FRK: variants seen among roughly 807,000 people sequenced by gnomAD.
FRK encodes the protein fyn related Src family tyrosine kinase.
Under a neutral mutation model 56.4 loss-of-function variants are expected in FRK, and 51 were observed. That is an observed-to-expected ratio of 0.90 (90% confidence interval 0.72 to 1.14). The LOEUF (loss-of-function observed/expected upper bound fraction) is 1.14, where lower values mean the gene tolerates loss of function less well. Among genes scored for constraint, FRK ranks in the 50% most tolerant of loss-of-function variants. The pLI, the probability that FRK is intolerant of heterozygous loss-of-function variation, is 0.00. For missense variants in FRK, 570 were observed against 601.4 expected (o/e 0.95, Z 0.55); for synonymous variants, 245 against 217.9 (o/e 1.12, Z -1.10).
the FRK span, among the ~76,000 whole-genome samples, chr6:116,072,189 T>G: frequency 2.0e-4 from 30 of 152,158 alleles, no homozygotes; most frequent in Admixed American, 2.0e-3. Flanking sequence ...TGCACTCTAT[T>G]ATACACAAGA....
At position 116,003,951 on chromosome 6, in the gene FRK, AAT is replaced by A. The variant is rs1433681913; in HGVS notation, c.390_391del (p.Leu131IlefsTer15). 6.2e-7 allele frequency: 1 copy of A among 1,613,102 alleles called. No homozygotes were observed. The highest frequency in any genetic ancestry group is 8.5e-7 in the Non-Finnish European group (1 of 1,179,400). On this transcript the variant is annotated frameshift_variant, in exon 2 of 8. Transcript: ENST00000606080. LOFTEE classifies it high-confidence loss of function. ...GGAACCGGTCTTGTTTTCTGAATAT[AAT>A]AGTTGTTTCTCTGCATCTGATCTTC...
intron 5 of FRK, among the ~76,000 whole-genome samples, chr6:115,952,839 G>A (rs888457822): frequency 3.2e-4 from 48 of 148,062 alleles, no homozygotes; most frequent in African/African-American, 1.1e-3. Context: ...ACCAAACACC[G>A]CATGTTCTTA....
At chr6:116,082,096 G>A in the FRK span, among the ~76,000 whole-genome samples, 3 of 152,174 alleles carry the variant, frequency 2.0e-5, no homozygotes, top group African/African-American at 7.2e-5. Flanking sequence ...TAGGAAAAGA[G>A]CATTCTAGGC....
intron 1 of FRK, among the ~76,000 whole-genome samples, chr6:116,056,192 T>G (rs567047248): frequency 6.6e-6 from 1 of 151,922 alleles, no homozygotes; most frequent in Non-Finnish European, 1.5e-5. Context: ...CAAAAAATTG[T>G]TCATTTGGTT....
rs943888951 is a variant in FRK at position 115,939,353 on chromosome 6, A to T, written c.*3061T>A. ...GTAGCTCAAAAAAAATGACAGATTT[A>T]AGACAAAACCACAGCCAATATCATA... On this transcript the variant is annotated 3_prime_UTR_variant, in exon 8 of 8. Coordinates refer to ENST00000606080, the MANE Select transcript of FRK (RefSeq NM_002031.3). 2.0e-5 allele frequency: 3 copies of T among 152,176 alleles called. No homozygotes were observed. The highest frequency in any genetic ancestry group is 7.2e-5 in the African/African-American group (3 of 41,446). The allele number at this position is 152,176 out of a possible 1,614,324, so 9.4% of individuals were successfully genotyped here. A position where few individuals can be genotyped will look rare whatever the true frequency, so the allele number is the denominator to read the frequency against.
intron 1 of FRK, among the ~76,000 whole-genome samples, chr6:116,036,470 T>C (rs1776484187): frequency 6.6e-6 from 1 of 152,196 alleles, no homozygotes; most frequent in African/African-American, 2.4e-5. Context: ...AAACATGAGT[T>C]TGAAAAATAA....
intron 5 of FRK, among the ~76,000 whole-genome samples, chr6:115,956,085 G>A (rs900438028): frequency 1.8e-4 from 27 of 152,020 alleles, no homozygotes; most frequent in Admixed American, 7.9e-4. Flanking sequence ...CCATGTCCCC[G>A]AATTCTATGT....
At chr6:116,087,400 A>T in the FRK span, among the ~76,000 whole-genome samples, 5 of 152,254 alleles carry the variant, frequency 3.3e-5, no homozygotes, top group African/African-American at 9.6e-5. Context: ...TACAATATTG[A>T]TCAGCCCTGC....
the FRK span, among the ~76,000 whole-genome samples, chr6:116,070,727 A>G: frequency 6.6e-6 from 1 of 152,158 alleles, no homozygotes; most frequent in Non-Finnish European, 1.5e-5. Flanking sequence ...AGCAACAACA[A>G]ATGCACCGTT....
intron 1 of FRK, among the ~76,000 whole-genome samples, chr6:116,017,353 T>C (rs537726115): frequency 6.6e-6 from 1 of 152,342 alleles, no homozygotes; most frequent in East Asian, 1.9e-4. Context: ...GGTGGCCAAC[T>C]GTTCAAACCC....
Position 115,935,371 on chromosome 6 carries a change from G to A in FRK, c.*7043C>T, listed in dbSNP as rs2095781. ...ACCTGCAGACCAGGAGATTCCCTCCGGTGCCTACGCCACTGGGGCCCTGGG... is the reference window on the plus strand; with the variant it reads ...ACCTGCAGACCAGGAGATTCCCTCCAGTGCCTACGCCACTGGGGCCCTGGG... On this transcript the variant is annotated 3_prime_UTR_variant, in exon 8 of 8. Transcript: ENST00000606080. 6,194 of 152,704 alleles carry A rather than the reference G, an allele frequency of 0.041. 340 individuals are homozygous for A. Among genetic ancestry groups the A allele is most frequent in the Admixed American group, 0.15 (2,291 of 15,312 alleles). 9.5% of individuals were successfully genotyped at this position (152,704 alleles called of 1,614,324 possible).
At chr6:116,077,301 G>A in the FRK span, among the ~76,000 whole-genome samples, 16 of 152,218 alleles carry the variant, frequency 1.1e-4, no homozygotes, top group East Asian at 3.8e-4. Context: ...TTATGATGTT[G>A]TGGAAGGAAT....
In FRK at chr6:115,937,855, TA is replaced by T. The variant is rs1188048568; in HGVS notation, c.*4558del. ...GTTCTTAGAGAACTACAAAGAGACTTAGACTCCCACACAATAATAGTGGGAA... is the reference window on the plus strand; with the variant it reads ...GTTCTTAGAGAACTACAAAGAGACTTGACTCCCACACAATAATAGTGGGAA... On this transcript the variant is annotated 3_prime_UTR_variant, in exon 8 of 8. Coordinates refer to ENST00000606080, the MANE Select transcript of FRK (RefSeq NM_002031.3). 1 of 152,130 alleles carries T rather than the reference TA, an allele frequency of 6.6e-6. No individual in the cohort carries two copies. The highest frequency in any genetic ancestry group is 1.5e-5 in the Non-Finnish European group (1 of 68,012). 9.4% of individuals were successfully genotyped at this position (152,130 alleles called of 1,614,324 possible).
At chr6:115,954,437 G>C (rs933078103) in intron 5 of FRK, among the ~76,000 whole-genome samples, 1 of 152,202 alleles carries the variant, frequency 6.6e-6, no homozygotes, top group Non-Finnish European at 1.5e-5. Context: ...GTGGCAGCCT[G>C]GATCAGGGTA....
At chr6:116,072,626 T>C in the FRK span, among the ~76,000 whole-genome samples, 393 of 151,920 alleles carry the variant, frequency 2.6e-3, 12 homozygotes, top group South Asian at 0.044. Context: ...ATGATGACAA[T>C]GTTCCAGATG....
intron 4 of FRK, among the ~76,000 whole-genome samples, chr6:115,959,184 AT>A (rs1773225336): frequency 1.3e-5 from 2 of 152,386 alleles, no homozygotes; most frequent in South Asian, 4.1e-4. Flanking sequence ...CTGCTCAGCA[AT>A]AAATAGCCGC....
intron 1 of FRK, among the ~76,000 whole-genome samples, chr6:116,059,598 A>G (rs1210611112): frequency 6.6e-6 from 1 of 152,228 alleles, no homozygotes; most frequent in African/African-American, 2.4e-5. Flanking sequence ...AGATTTGAGA[A>G]TATCATTAAG....
rs1399182224 is a variant in FRK, at chr6:115,931,583, C to T, written c.*10831G>A. 6.6e-6 allele frequency: 1 copy of T among 152,056 alleles called. No homozygotes were observed. The highest frequency in any genetic ancestry group is 1.5e-5 in the Non-Finnish European group (1 of 67,992). The allele number at this position is 152,056 out of a possible 1,614,324, so 9.4% of individuals were successfully genotyped here. On this transcript the variant is annotated 3_prime_UTR_variant, in exon 8 of 8. Transcript: ENST00000606080. ...TGTGGTAGCTTTAAAGTATACAAAT[C>T]TGGCTAATTGATTTTATTTCTTATT...
intron 1 of FRK, among the ~76,000 whole-genome samples, chr6:116,041,388 G>C (rs1776705434): frequency 1.3e-5 from 2 of 152,200 alleles, no homozygotes; most frequent in Admixed American, 1.3e-4. Context: ...TTCTAGGAAA[G>C]TGCAAAGAGG....
Sources: allele counts gnomAD v4.1 joint callset (sites outside exome capture counted in the v4.1 genomes callset), GRCh38; gene constraint gnomAD v4.1.1; transcripts MANE v1.5; gene names NCBI Gene and HGNC (gene_info 2026-07-23, HGNC 2026-07-21).